TSHR: variants seen among roughly 807,000 people sequenced by gnomAD.
TSHR encodes the protein thyroid stimulating hormone receptor, also known as thyrotropin receptor.
TSHR carries 51 observed loss-of-function variants against 64.1 expected under a neutral mutation model. The observed-to-expected ratio is 0.80, with a 90% CI of 0.64 to 1.01. The LOEUF is 1.01. Ranked by LOEUF, TSHR falls within the 50% of genes least tolerant of loss-of-function variation. The pLI, the probability that TSHR is intolerant of heterozygous loss-of-function variation, is 0.00. For synonymous variants in TSHR, 361 were observed against 361.9 expected (o/e 1.00, Z 0.03); for missense variants, 877 against 942.8 (o/e 0.93, Z 0.91).
At chr14:81,123,954 C>T (rs1421532765) in intron 8 of TSHR, among the ~76,000 whole-genome samples, 1 of 152,030 alleles carries the variant, frequency 6.6e-6, no homozygotes, top group East Asian at 1.9e-4. Flanking sequence ...TTTTAAATCT[C>T]AGAGGAAAGA....
chr14:80,998,727 GT>G (rs779710912), intron 1 of TSHR, among the ~76,000 whole-genome samples: 8 of 151,964 alleles, frequency 5.3e-5, no homozygotes, highest in Non-Finnish European at 1.0e-4. Flanking sequence ...AAGAAACAGT[GT>G]GTGCAATAGA....
chr14:81,135,168 C>G (rs1471527944), intron 8 of TSHR, among the ~76,000 whole-genome samples: 1 of 152,106 alleles, frequency 6.6e-6, no homozygotes, highest in East Asian at 1.9e-4. Context: ...CAGAAAATAT[C>G]TCCTTCACAC....
rs187468882 is a variant in TSHR, at chr14:81,003,997, C to T, written c.170+48147C>T. On this transcript the variant is annotated intron_variant, in intron 1 of 9. Coordinates refer to ENST00000298171, the MANE Select transcript of TSHR (RefSeq NM_000369.5). ...GTAGACCAGTGGCTTGACCTTTTTGCCCATAACCCATGGTATAAAATATAT... is the reference window on the plus strand; with the variant it reads ...GTAGACCAGTGGCTTGACCTTTTTGTCCATAACCCATGGTATAAAATATAT... Among the ~76,000 whole-genome samples, 380 of 152,224 alleles carry T rather than the reference C, an allele frequency of 2.5e-3. 2 individuals are homozygous for T. The highest frequency in any genetic ancestry group is 4.8e-3 in the Non-Finnish European group (328 of 68,028).
At chr14:81,127,957 G>A (rs1404322681) in intron 8 of TSHR, among the ~76,000 whole-genome samples, 1 of 152,198 alleles carries the variant, frequency 6.6e-6, no homozygotes, top group Middle Eastern at 3.2e-3. Flanking sequence ...TTTTGTCACT[G>A]TGTGGTAGAA....
At chr14:81,075,945 C>T (rs1028137779) in intron 3 of TSHR, among the ~76,000 whole-genome samples, 2 of 152,036 alleles carry the variant, frequency 1.3e-5, no homozygotes, top group African/African-American at 4.8e-5. Context: ...CACATATACA[C>T]CATGGGATAC....
chr14:80,971,480 T>C (rs996361867), intron 1 of TSHR, among the ~76,000 whole-genome samples: 1 of 152,208 alleles, frequency 6.6e-6, no homozygotes, highest in African/African-American at 2.4e-5. Flanking sequence ...TAATCACATA[T>C]AAAGTGCTAC....
intron 3 of TSHR, among the ~76,000 whole-genome samples, chr14:81,075,673 A>G (rs1240518820): frequency 1.6e-5 from 2 of 127,642 alleles, no homozygotes; most frequent in Non-Finnish European, 3.1e-5. Context: ...GTGGAGAAAT[A>G]GGAACACTTT....
chr14:81,004,642 C>T (rs1255789372), intron 1 of TSHR, among the ~76,000 whole-genome samples: 3 of 152,106 alleles, frequency 2.0e-5, no homozygotes, highest in Non-Finnish European at 4.4e-5. Context: ...GTACTGGGCC[C>T]AGTTTATGTC....
In TSHR at chr14:81,109,000, C is replaced by T. The variant is rs1211015387; in HGVS notation, c.692+548C>T. On this transcript the variant is annotated intron_variant, in intron 8 of 9. Transcript: ENST00000298171. ...TACACCCCCACATCCAATCAGTGAT[C>T]AGGTTCTATTGATTCTGCTTCCCTG... 2.4e-6 allele frequency: 3 copies of T among 1,260,166 alleles called. No individual in the cohort carries two copies. The African/African-American group carries it at 4.5e-5, about 19-fold the overall frequency. The allele number at this position is 1,260,166 out of a possible 1,614,324, so 78.1% of individuals were successfully genotyped here. A position where few individuals can be genotyped will look rare whatever the true frequency, so the allele number is the denominator to read the frequency against.
chr14:81,077,023 A>C (rs960698875), intron 3 of TSHR, among the ~76,000 whole-genome samples: 2 of 151,136 alleles, frequency 1.3e-5, no homozygotes, highest in African/African-American at 4.9e-5. Flanking sequence ...CTAGACATTT[A>C]TTTCTCTCTC....
rs1886812775 is a variant in TSHR at position 81,068,339 on chromosome 14, G to A, written c.317+11G>A. 2.5e-6 allele frequency: 4 copies of A among 1,611,972 alleles called. No homozygotes were observed. The highest frequency in any genetic ancestry group is 2.7e-5 in the African/African-American group (2 of 74,856). On this transcript the variant is annotated intron_variant, in intron 3 of 9. Transcript: ENST00000298171. ...TAAAGTGACTCACATGTAAGTACAAGGAAAAGTGCAGCATAGACCTAAGCC... is the reference window on the plus strand; with the variant it reads ...TAAAGTGACTCACATGTAAGTACAAAGAAAAGTGCAGCATAGACCTAAGCC...
chr14:81,087,910 A>T (rs1888409150), intron 3 of TSHR, 44 bp from the exon 4 acceptor site: 3 of 1,332,788 alleles, frequency 2.3e-6, no homozygotes, highest in Admixed American at 3.4e-5. Context: ...ATAAGAACAG[A>T]TACGGATGCA....
chr14:81,053,728 G>A (rs1885570469), intron 1 of TSHR: 1 of 152,156 alleles, frequency 6.6e-6, no homozygotes, highest in Non-Finnish European at 1.5e-5. Context: ...CAAGAGCAAT[G>A]AGTATGTGTG....
At chr14:81,020,077 C>T (rs1883658788) in intron 1 of TSHR, among the ~76,000 whole-genome samples, 1 of 152,100 alleles carries the variant, frequency 6.6e-6, no homozygotes, top group South Asian at 2.1e-4. Context: ...CTCCTACCAA[C>T]AGTGTAAAAC....
intron 8 of TSHR, among the ~76,000 whole-genome samples, chr14:81,131,971 A>G (rs1320939918): frequency 6.9e-6 from 1 of 144,812 alleles, no homozygotes; most frequent in African/African-American, 2.9e-5. Context: ...CATAGACAGC[A>G]ATCAATACAT....
chr14:80,966,294 A>G (rs1344320655), intron 1 of TSHR, among the ~76,000 whole-genome samples: 3 of 152,156 alleles, frequency 2.0e-5, no homozygotes, highest in Non-Finnish European at 4.4e-5. Context: ...CATAAATGAG[A>G]TACTCTTCCA....
chr14:81,134,673 A>C (rs1043451415), intron 8 of TSHR, among the ~76,000 whole-genome samples: 2 of 152,234 alleles, frequency 1.3e-5, no homozygotes, highest in African/African-American at 4.8e-5. Context: ...TAATAAAAGT[A>C]ATAGGAGAAA....
At chr14:81,106,213 T>C (rs1461806571) in intron 7 of TSHR, among the ~76,000 whole-genome samples, 1 of 152,208 alleles carries the variant, frequency 6.6e-6, no homozygotes, top group Non-Finnish European at 1.5e-5. Context: ...AGATGCCAAG[T>C]TTGGGCTATA....
Position 81,130,460 on chromosome 14 carries a change from T to C in TSHR, c.693-9219T>C, listed in dbSNP as rs551052355. Reference sequence around the variant, plus strand: ...TGGCTTCCAAATCACTACTCTCTCTTGGTTTTTCTCCATACCTCTGATTGT... The same window carrying C: ...TGGCTTCCAAATCACTACTCTCTCTCGGTTTTTCTCCATACCTCTGATTGT... On this transcript the variant is annotated intron_variant, in intron 8 of 9. Transcript: ENST00000298171. Among the ~76,000 whole-genome samples the C allele has an allele frequency of 2.6e-5, 4 of 152,346 alleles. No homozygotes were observed. The East Asian group carries it at 7.7e-4, about 29-fold the overall frequency.
Sources: allele counts gnomAD v4.1 joint callset (sites outside exome capture counted in the v4.1 genomes callset), GRCh38; gene constraint gnomAD v4.1.1; transcripts MANE v1.5; gene names NCBI Gene and HGNC (gene_info 2026-07-23, HGNC 2026-07-21).